ADH7: variants seen among roughly 807,000 people sequenced by gnomAD.
ADH7 encodes all-trans-retinol dehydrogenase [NAD(+)] ADH7.
In ADH7, 41 loss-of-function variants were observed where a neutral mutation model predicts 34.4. The observed-to-expected ratio is 1.19, with a 90% CI of 0.93 to 1.55. The LOEUF (loss-of-function observed/expected upper bound fraction) is 1.55. Among genes scored for constraint, ADH7 ranks in the 40% most tolerant of loss-of-function variants. ADH7 has a pLI of 0.00. For missense variants in ADH7, 540 were observed against 461.2 expected, an observed-to-expected ratio of 1.17 and a Z score of -1.56; for synonymous variants, 180 against 160.9, an observed-to-expected ratio of 1.12 and a Z score of -0.90.
intron 8 of ADH7, chr4:99,415,210 T>G: frequency 2.7e-6 from 1 of 365,882 alleles, no homozygotes. Context: ...ACCATGATTA[T>G]AAGTTTCCTG....
chr4:99,422,816 T>TC (rs1721697422), intron 5 of ADH7, among the ~76,000 whole-genome samples: 1 of 149,102 alleles, frequency 6.7e-6, no homozygotes, highest in South Asian at 2.1e-4. Context: ...CTTTTTTTTT[T>TC]CTAATAAAAT....
chr4:99,428,396 A>C (rs535014915), intron 3 of ADH7, 96 bp downstream of exon 3: 2 of 1,419,868 alleles, frequency 1.4e-6, no homozygotes, highest in African/African-American at 1.4e-5. Context: ...AATTGTGTTA[A>C]GGATCCCTCT....
At chr4:99,421,181 C>T (rs746871551) in intron 5 of ADH7, among the ~76,000 whole-genome samples, 3 of 151,950 alleles carry the variant, frequency 2.0e-5, no homozygotes. Flanking sequence ...AAAAAAGAGC[C>T]CATATAGCCA....
At chr4:99,419,422 T>C (rs895772269) in intron 6 of ADH7, among the ~76,000 whole-genome samples, 2 of 152,176 alleles carry the variant, frequency 1.3e-5, no homozygotes, top group Non-Finnish European at 2.9e-5. Context: ...CCACTTCAGA[T>C]AAGCCTTAGA....
At chr4:99,433,964 G>A (rs1721992786) in intron 1 of ADH7, among the ~76,000 whole-genome samples, 1 of 152,072 alleles carries the variant, frequency 6.6e-6, no homozygotes, top group African/African-American at 2.4e-5. Context: ...CCTTTCAAGA[G>A]CTACACTGGA....
In ADH7 at chr4:99,415,493, A is replaced by G; in HGVS notation, c.1085T>C (p.Leu362Pro). The change falls in exon 8 of 9, where the codon CTC becomes CCC. Residue 362 changes from leucine to proline, a missense_variant. Leu to Pro is a moderately conservative substitution (Grantham distance 98, BLOSUM62 -3). Coordinates refer to ENST00000437033, the MANE Select transcript of ADH7 (RefSeq NM_000673.7). ...AAACAGTTACCTTTGTCCTGAATTG[A>G]GCAGCTCAAATCCTTCACTGATTTT... Reference protein sequence around the residue: ...FKKISEGFELLNSGQSIRTVL... With the variant: ...FKKISEGFELPNSGQSIRTVL... 2.5e-6 allele frequency: 4 copies of G among 1,612,774 alleles called. No individual in the cohort carries two copies. Among genetic ancestry groups the G allele is most frequent in the Non-Finnish European group, 3.4e-6 (4 of 1,179,282 alleles).
At position 99,419,097 on chromosome 4, in the gene ADH7, T is replaced by C. The variant is rs761522191; in HGVS notation, c.850A>G (p.Met284Val). The change falls in exon 7 of 9, where the codon ATG (methionine) becomes GTG (valine). Residue 284 changes from methionine (M) to valine (V), a missense_variant. By Grantham distance (21) the Met-to-Val change is conservative. Transcript: ENST00000437033. ...TMIDALASCH[M>V]NYGTSVVVGV... ...ACAACCACGCTGGTCCCATAGTTCA[T>C]GTGGCAGGATGCCAGGGCATCAATC... 1.4e-5 allele frequency: 22 copies of C among 1,613,612 alleles called. 1 individual carries two copies. In the South Asian group the frequency reaches 1.6e-4, roughly 12 times the overall value.
intron 3 of ADH7, 98 bp from the exon 4 acceptor site, chr4:99,428,272 A>T: frequency 7.5e-7 from 1 of 1,326,364 alleles, no homozygotes; most frequent in East Asian, 2.4e-5. Flanking sequence ...TAAAACTTTT[A>T]AAAATATATT....
intron 7 of ADH7, among the ~76,000 whole-genome samples, chr4:99,417,517 C>T (rs972671013): frequency 6.6e-6 from 1 of 152,160 alleles, no homozygotes; most frequent in Admixed American, 6.6e-5. Context: ...TCCACCTCCA[C>T]CCCAGTCCTC....
At chr4:99,425,337 T>C (rs1179078409) in intron 5 of ADH7, among the ~76,000 whole-genome samples, 1 of 152,030 alleles carries the variant, frequency 6.6e-6, no homozygotes, top group East Asian at 1.9e-4. Flanking sequence ...GAGACACACA[T>C]AGGCTCAAAA....
At chr4:99,433,762 A>G (rs1721989400) in intron 1 of ADH7, among the ~76,000 whole-genome samples, 1 of 152,202 alleles carries the variant, frequency 6.6e-6, no homozygotes, top group African/African-American at 2.4e-5. Context: ...ACCAACCCTG[A>G]TGACACCTTA....
intron 1 of ADH7, among the ~76,000 whole-genome samples, chr4:99,430,725 C>T (rs545898909): frequency 2.0e-5 from 3 of 152,102 alleles, no homozygotes; most frequent in Non-Finnish European, 2.9e-5. Context: ...GTAATATGGC[C>T]CAATGTTGAC....
At chr4:99,433,643 C>T (rs1721986432) in intron 1 of ADH7, among the ~76,000 whole-genome samples, 1 of 152,058 alleles carries the variant, frequency 6.6e-6, no homozygotes, top group African/African-American at 2.4e-5. Context: ...GAACCTGATC[C>T]AATATGGCTG....
At chr4:99,415,665 A>T (rs1298119749) in intron 7 of ADH7, 49 bp from the exon 8 acceptor site, 3 of 1,555,804 alleles carry the variant, frequency 1.9e-6, no homozygotes, top group African/African-American at 2.7e-5. Context: ...AATAATCCTT[A>T]TCTTTTATTA....
At chr4:99,418,843 T>C (rs1721581366) in intron 7 of ADH7, 143 bp downstream of exon 7, 2 of 972,984 alleles carry the variant, frequency 2.1e-6, no homozygotes, top group Non-Finnish European at 3.0e-6. Context: ...GAATTATCTT[T>C]TGTGTTATTA....
At chr4:99,426,515 A>C (rs1721808736) in intron 5 of ADH7, among the ~76,000 whole-genome samples, 1 of 152,212 alleles carries the variant, frequency 6.6e-6, no homozygotes, top group African/African-American at 2.4e-5. Flanking sequence ...ACCAGGAAGA[A>C]GTTGAATCTC....
Position 99,415,467 on chromosome 4 carries a change from G to T in ADH7, c.1100+11C>A, listed in dbSNP as rs553028133. ...TGGAGAAGAGACAAGATCATCATAAGAAACAGTTACCTTTGTCCTGAATTG... is the reference window on the plus strand; with the variant it reads ...TGGAGAAGAGACAAGATCATCATAATAAACAGTTACCTTTGTCCTGAATTG... On this transcript the variant is annotated intron_variant, in intron 8 of 8. Coordinates refer to ENST00000437033, the MANE Select transcript of ADH7 (RefSeq NM_000673.7). 10 of 1,608,232 alleles carry T rather than the reference G, an allele frequency of 6.2e-6. No individual in the cohort carries two copies. The African/African-American group carries it at 1.1e-4, about 17-fold the overall frequency.
Position 99,428,002 on chromosome 4 carries a change from T to C in ADH7, c.348-13A>G, listed in dbSNP as rs1721851369. On this transcript the variant is annotated splice_polypyrimidine_tract_variant and intron_variant, in intron 4 of 8. Transcript: ENST00000437033. ...ACGACCAGTAATACTGTTTGATACATCAAATACACGTATTAATTAATTCAA... is the reference window on the plus strand; with the variant it reads ...ACGACCAGTAATACTGTTTGATACACCAAATACACGTATTAATTAATTCAA... The C allele has an allele frequency of 6.2e-7, 1 of 1,613,228 alleles. No homozygotes were observed. The highest frequency in any genetic ancestry group is 1.7e-5 in the Admixed American group (1 of 59,914).
intron 1 of ADH7, among the ~76,000 whole-genome samples, chr4:99,434,240 A>G (rs917403233): frequency 6.6e-6 from 1 of 152,142 alleles, no homozygotes; most frequent in Non-Finnish European, 1.5e-5. Context: ...TTCAGTTCTA[A>G]GATTCATTAA....
Sources: gnomAD v4.1 joint callset for allele counts (sites outside exome capture counted in the v4.1 genomes callset) on GRCh38, gnomAD v4.1.1 for gene constraint, MANE v1.5 for transcripts, NCBI Gene and HGNC (gene_info 2026-07-23, HGNC 2026-07-21) for gene names.